Variants in FCN1 observed in about 807,000 individuals in gnomAD.
FCN1 encodes the protein ficolin-1.
A neutral mutation model predicts 35.6 loss-of-function variants in FCN1; 42 were observed. The ratio of observed to expected loss-of-function variants is 1.18; its 90% CI spans 0.92 to 1.53. FCN1 has a LOEUF of 1.53. Ranked by LOEUF, FCN1 falls within the 40% of genes most tolerant of loss-of-function variation. The pLI, the probability that FCN1 is intolerant of heterozygous loss-of-function variation, is 0.00. For synonymous variants in FCN1, 179 were observed against 169.8 expected (o/e 1.05, Z -0.42); for missense variants, 439 against 428.4 (o/e 1.02, Z -0.22).
intron 7 of FCN1, 29 bp from the exon 8 acceptor site, chr9:134,911,296 C>A (rs369758633): frequency 2.3e-5 from 37 of 1,610,622 alleles, no homozygotes; most frequent in Non-Finnish European, 2.8e-5. Context: ...AAGGCCCCAG[C>A]CTTTAAGATC....
Position 134,909,145 on chromosome 9 carries a change from T to A in FCN1, c.*653A>T. The A allele has an allele frequency of 1.6e-6, 2 of 1,213,046 alleles. No homozygotes were observed. Among genetic ancestry groups the A allele is most frequent in the Non-Finnish European group, 2.2e-6 (2 of 929,740 alleles). 75.1% of individuals were successfully genotyped at this position (1,213,046 alleles called of 1,614,324 possible). On this transcript the variant is annotated 3_prime_UTR_variant, in exon 9 of 9. Coordinates refer to ENST00000371806, the MANE Select transcript of FCN1 (RefSeq NM_002003.5). ...GGAGGAAGGCCTCTTCGGAATCTTC[T>A]CTGTGCAGGTGGCTGACCAGGCGCT...
rs1342267567 is a variant in FCN1 at position 134,909,716 on chromosome 9, G to A, written c.*82C>T. ...CGTCATGGGAGTGTGTCTGGCTGGGGAAATGGGGTGACTTCCACGACGCAG... is the reference window on the plus strand; with the variant it reads ...CGTCATGGGAGTGTGTCTGGCTGGGAAAATGGGGTGACTTCCACGACGCAG... On this transcript the variant is annotated 3_prime_UTR_variant, in exon 9 of 9. Coordinates refer to ENST00000371806, the MANE Select transcript of FCN1 (RefSeq NM_002003.5). The A allele has an allele frequency of 6.3e-7, 1 of 1,597,174 alleles. No homozygotes were observed.
rs772642922 is a variant in FCN1, at chr9:134,913,030, C to A, written c.454G>T (p.Gly152Ter). 2 of 1,611,884 alleles carry A rather than the reference C, an allele frequency of 1.2e-6. No individual in the cohort carries two copies. The highest frequency in any genetic ancestry group is 1.7e-5 in the Admixed American group (1 of 59,636). Residue 152 changes from glycine (G) to a stop codon, truncating the protein, a stop_gained, in exon 6 of 9, where the codon GGA becomes TGA. Transcript: ENST00000371806. LOFTEE classifies it high-confidence loss of function. ...LTVLCDMDTD[G>*]GGWTVFQRRM... ...CCCACACTCACGGTCCAGCCCCCTC[C>A]GTCCGTGTCCATGTCACAGAGCACA... is the stretch of plus-strand genomic sequence containing the variant.
At chr9:134,915,363 G>A (rs889033708) in intron 2 of FCN1, among the ~76,000 whole-genome samples, 3 of 152,164 alleles carry the variant, frequency 2.0e-5, no homozygotes, top group Non-Finnish European at 2.9e-5. Flanking sequence ...CCCCCAGCCC[G>A]CTCGCTGACC....
chr9:134,903,992 T>C lies in FCN1; in HGVS notation c.*5806A>G, dbSNP rs1830913217. Among the ~76,000 whole-genome samples the C allele has an allele frequency of 6.6e-6, 1 of 152,136 alleles. No individual in the cohort carries two copies. Among genetic ancestry groups the C allele is most frequent in the Non-Finnish European group, 1.5e-5 (1 of 68,012 alleles). On this transcript the variant is annotated 3_prime_UTR_variant, in exon 9 of 9. Coordinates refer to ENST00000371806, the MANE Select transcript of FCN1 (RefSeq NM_002003.5). ...ACTGAATGTGAAAAGGAAAAAAGAA[T>C]ACAAATCCAGAAACTAGAACAAGAG...
Position 134,917,722 on chromosome 9 carries a change from G to A in FCN1, c.103+47C>T, listed in dbSNP as rs369342575. The A allele has an allele frequency of 1.9e-5, 24 of 1,240,120 alleles. No individual in the cohort carries two copies. In the African/African-American group the frequency reaches 2.9e-4, roughly 15 times the overall value. The allele number at this position is 1,240,120 out of a possible 1,614,324, so 76.8% of individuals were successfully genotyped here. Reference sequence around the variant, plus strand: ...TGGGACACCCGAGTGTCAGTGAGTGGGGTTGTTACCAGCTTTTAGGGACCA... The same window carrying A: ...TGGGACACCCGAGTGTCAGTGAGTGAGGTTGTTACCAGCTTTTAGGGACCA... On this transcript the variant is annotated intron_variant, in intron 1 of 8. Coordinates refer to ENST00000371806, the MANE Select transcript of FCN1 (RefSeq NM_002003.5).
In FCN1 at chr9:134,907,837, C is replaced by T. The variant is rs1291275561; in HGVS notation, c.*1961G>A. 3 of 152,178 alleles carry T rather than the reference C, an allele frequency of 2.0e-5. No homozygotes were observed. Among genetic ancestry groups the T allele is most frequent in the Admixed American group, 6.5e-5 (1 of 15,278 alleles). 9.4% of individuals were successfully genotyped at this position (152,178 alleles called of 1,614,324 possible). A position where few individuals can be genotyped will look rare whatever the true frequency, so the allele number is the denominator to read the frequency against. ...TGGCTATCCTTGCATTTTTTAACATCCATTCTCTTCCTGATGGGTATGTCG... is the reference window on the plus strand; with the variant it reads ...TGGCTATCCTTGCATTTTTTAACATTCATTCTCTTCCTGATGGGTATGTCG... On this transcript the variant is annotated 3_prime_UTR_variant, in exon 9 of 9. Transcript: ENST00000371806.
In FCN1 at chr9:134,910,770, CAG is replaced by C. The variant is rs1831013482; in HGVS notation, c.733+361_733+362del. Among the ~76,000 whole-genome samples, 3 of 152,168 alleles carry C rather than the reference CAG, an allele frequency of 2.0e-5. 1 individual carries two copies. Among genetic ancestry groups the C allele is most frequent in the South Asian group, 4.1e-4 (2 of 4,828 alleles). On this transcript the variant is annotated intron_variant, in intron 8 of 8. Transcript: ENST00000371806. ...GAAATGCCTCCCCAGATCGTGTAGCCAGAGACTCCTTTTGGTAAAGAATGTCC... is the reference window on the plus strand; with the variant it reads ...GAAATGCCTCCCCAGATCGTGTAGCCAGACTCCTTTTGGTAAAGAATGTCC...
rs909785632 is a variant in FCN1 at position 134,909,890 on chromosome 9, G to A, written c.889C>T (p.His297Tyr). Residue 297 changes from histidine (H) to tyrosine (Y), a missense_variant, in exon 9 of 9, where the codon CAT becomes TAT. Physicochemically the swap from His to Tyr is moderately conservative, Grantham distance 83. Transcript: ENST00000371806. Reference sequence around the variant, plus strand: ...TTGATACCATTGGCATAGCTCTCATGGGGTCCCATGAGGTAGAGACCATTG... The same window carrying A: ...TTGATACCATTGGCATAGCTCTCATAGGGTCCCATGAGGTAGAGACCATTG... ...NLNGLYLMGP[H>Y]ESYANGINWS... 1.9e-6 allele frequency: 3 copies of A among 1,614,010 alleles called. No individual in the cohort carries two copies. In the African/African-American group the frequency reaches 4.0e-5, roughly 22 times the overall value.
intron 1 of FCN1, 136 bp from the exon 2 acceptor site, chr9:134,916,597 G>T: frequency 2.3e-6 from 2 of 886,594 alleles, no homozygotes; most frequent in South Asian, 1.5e-5. Context: ...GGGGGGCAGA[G>T]CTCTGGCTTT....
chr9:134,909,910 C>G lies in FCN1; in HGVS notation c.869G>C (p.Gly290Ala). The part of the protein sequence containing the change: ...YADCHASNLN[G>A]LYLMGPHESY... ...CTCATGGGGTCCCATGAGGTAGAGACCATTGAGGTTTGAAGCATGACAGTC... is the reference window on the plus strand; with the variant it reads ...CTCATGGGGTCCCATGAGGTAGAGAGCATTGAGGTTTGAAGCATGACAGTC... Residue 290 changes from glycine to alanine, a missense_variant, in exon 9 of 9, where the codon GGT becomes GCT. Physicochemically the swap from Gly to Ala is moderately conservative, Grantham distance 60. Coordinates refer to ENST00000371806, the MANE Select transcript of FCN1 (RefSeq NM_002003.5). 6.2e-7 allele frequency: 1 copy of G among 1,614,106 alleles called. No homozygotes were observed. The highest frequency in any genetic ancestry group is 8.5e-7 in the Non-Finnish European group (1 of 1,180,018).
At chr9:134,914,513 ATCTCCC>A (rs1831067115) in intron 3 of FCN1, 93 bp from the exon 4 acceptor site, 2 of 1,263,782 alleles carry the variant, frequency 1.6e-6, no homozygotes, top group East Asian at 4.7e-5. Flanking sequence ...TGGACACTGC[ATCTCCC>A]CAGCCCTGCA....
At position 134,912,602 on chromosome 9, in the gene FCN1, C is replaced by T; in HGVS notation, c.482G>A (p.Arg161Lys). Residue 161 changes from arginine (R) to lysine (K), a missense_variant, in exon 7 of 9, where the codon AGG becomes AAG. Coordinates refer to ENST00000371806, the MANE Select transcript of FCN1 (RefSeq NM_002003.5). ...DGGGWTVFQR[R>K]MDGSVDFYRD... ...ATAGAAGTCCACAGAGCCATCCATC[C>T]TCCGCTGGAAAACCTGTGAAGAAGC... is the stretch of plus-strand genomic sequence containing the variant. 1 of 1,614,184 alleles carries T rather than the reference C, an allele frequency of 6.2e-7. No individual in the cohort carries two copies.
rs911440228 is a variant in FCN1 at position 134,907,017 on chromosome 9, A to G, written c.*2781T>C. On this transcript the variant is annotated 3_prime_UTR_variant, in exon 9 of 9. Transcript: ENST00000371806. ...AACCTGGGAGGTGGAGATTGCAGTG[A>G]GCTGAGATCACGCCACTGCACTCCA... is the stretch of plus-strand genomic sequence containing the variant. The G allele has an allele frequency of 1.3e-5, 2 of 152,222 alleles. No individual in the cohort carries two copies. Among genetic ancestry groups the G allele is most frequent in the Admixed American group, 1.3e-4 (2 of 15,292 alleles). 9.4% of individuals were successfully genotyped at this position (152,222 alleles called of 1,614,324 possible).
In FCN1 at chr9:134,904,239, T is replaced by A. The variant is rs537553854; in HGVS notation, c.*5559A>T. The stretch of plus-strand genomic sequence containing the variant: ...AAACTATCAAGGCAAAGAAAAAAAA[T>A]TTTATAAATGTATTTTTTGAAAAAA... On this transcript the variant is annotated 3_prime_UTR_variant, in exon 9 of 9. Coordinates refer to ENST00000371806, the MANE Select transcript of FCN1 (RefSeq NM_002003.5). Among the ~76,000 whole-genome samples, 3 of 152,088 alleles carry A rather than the reference T, an allele frequency of 2.0e-5. No homozygotes were observed. Among genetic ancestry groups the A allele is most frequent in the Non-Finnish European group, 2.9e-5 (2 of 68,002 alleles).
In FCN1 at chr9:134,912,630, G is replaced by A; in HGVS notation, c.469-15C>T. On this transcript the variant is annotated splice_polypyrimidine_tract_variant and intron_variant, in intron 6 of 8. Coordinates refer to ENST00000371806, the MANE Select transcript of FCN1 (RefSeq NM_002003.5). The stretch of plus-strand genomic sequence containing the variant: ...CGCTGGAAAACCTGTGAAGAAGCCA[G>A]GATACAGAGTTAGGCGGGGCAGGCC... 1.2e-6 allele frequency: 2 copies of A among 1,614,128 alleles called. No homozygotes were observed. Among genetic ancestry groups the A allele is most frequent in the Non-Finnish European group, 1.7e-6 (2 of 1,179,980 alleles).
rs904043712 is a variant in FCN1 at position 134,907,249 on chromosome 9, A to G, written c.*2549T>C. 1 of 152,224 alleles carries G rather than the reference A, an allele frequency of 6.6e-6. No homozygotes were observed. Among genetic ancestry groups the G allele is most frequent in the Non-Finnish European group, 1.5e-5 (1 of 68,054 alleles). 9.4% of individuals were successfully genotyped at this position (152,224 alleles called of 1,614,324 possible). A position where few individuals can be genotyped will look rare whatever the true frequency, so the allele number is the denominator to read the frequency against. On this transcript the variant is annotated 3_prime_UTR_variant, in exon 9 of 9. Coordinates refer to ENST00000371806, the MANE Select transcript of FCN1 (RefSeq NM_002003.5). ...CCAATAGTGGATTTTGTGATGGACT[A>G]GAGATTGTGGCAGGGGCGTAGTAGG... is the stretch of plus-strand genomic sequence containing the variant.
rs531095841 is a variant in FCN1, at chr9:134,917,844, G to A, written c.28C>T (p.Arg10Trp). The A allele has an allele frequency of 2.7e-5, 43 of 1,613,688 alleles. No individual in the cohort carries two copies. Among genetic ancestry groups the A allele is most frequent in the Admixed American group, 5.0e-5 (3 of 60,012 alleles). ...AAGACTAGCAGGACAGCGAGCCCCC[G>A]GGCCATGGTGGCTCCACTCAGCTCC... MELSGATMA[R>W]GLAVLLVLFL... The change falls in exon 1 of 9, where the codon CGG (arginine) becomes TGG (tryptophan). Residue 10 changes from arginine to tryptophan, a missense_variant. Coordinates refer to ENST00000371806, the MANE Select transcript of FCN1 (RefSeq NM_002003.5).
In FCN1 at chr9:134,915,537, G is replaced by A. The variant is rs138551021; in HGVS notation, c.218-728C>T. On this transcript the variant is annotated intron_variant, in intron 2 of 8. Transcript: ENST00000371806. ...CCAGTGTTCCCTCAGCAGGGGATCGGGACCGCACTCTCAGGTCCAGCCTGC... is the reference window on the plus strand; with the variant it reads ...CCAGTGTTCCCTCAGCAGGGGATCGAGACCGCACTCTCAGGTCCAGCCTGC... Among the ~76,000 whole-genome samples, 232 of 152,270 alleles carry A rather than the reference G, an allele frequency of 1.5e-3. 2 individuals are homozygous for A. In the South Asian group the frequency reaches 0.016, roughly 11 times the overall value.
Sources: allele counts gnomAD v4.1 joint callset (sites outside exome capture counted in the v4.1 genomes callset), GRCh38; gene constraint gnomAD v4.1.1; transcripts MANE v1.5; gene names NCBI Gene and HGNC (gene_info 2026-07-23, HGNC 2026-07-21).